Variants in CMIP observed in about 807,000 individuals in gnomAD.
The protein encoded by CMIP is C-Maf-inducing protein.
CMIP carries 13 observed loss-of-function variants against 97.3 expected under a neutral mutation model. That is an observed-to-expected ratio of 0.13 (90% CI 0.09 to 0.21). The LOEUF is 0.21. Ranked by LOEUF, CMIP falls within the 10% of genes least tolerant of loss-of-function variation. The pLI is 1.00. For missense variants in CMIP, 847 were observed against 1,024.9 expected (o/e 0.83, Z 2.37); for synonymous variants, 538 against 436.3 (o/e 1.23, Z -2.91).
intron 1 of CMIP, among the ~76,000 whole-genome samples, chr16:81,482,487 G>A (rs1257150665): frequency 1.3e-5 from 2 of 152,144 alleles, no homozygotes; most frequent in Non-Finnish European, 2.9e-5. Context: ...ACAGCAGAGG[G>A]CCTTTTAAGT....
chr16:81,447,520 C>T (rs999949715), intron 1 of CMIP, among the ~76,000 whole-genome samples: 2 of 152,190 alleles, frequency 1.3e-5, no homozygotes, highest in African/African-American at 4.8e-5. Flanking sequence ...CCTCGCTCAC[C>T]TTGGCCAGCC....
At chr16:81,472,457 C>T (rs1009900452) in intron 1 of CMIP, among the ~76,000 whole-genome samples, 1 of 152,184 alleles carries the variant, frequency 6.6e-6, no homozygotes, top group Non-Finnish European at 1.5e-5. Flanking sequence ...GGAGGAGTGG[C>T]CCATCTCCCC....
chr16:81,455,621 C>G (rs1261818776), intron 1 of CMIP, among the ~76,000 whole-genome samples: 1 of 152,168 alleles, frequency 6.6e-6, no homozygotes, highest in Non-Finnish European at 1.5e-5. Flanking sequence ...CAACACATGG[C>G]CCAGCTGTGG....
At chr16:81,589,241 C>T (rs541035359) in intron 1 of CMIP, among the ~76,000 whole-genome samples, 5 of 152,180 alleles carry the variant, frequency 3.3e-5, no homozygotes, top group East Asian at 1.9e-4. Flanking sequence ...GGACTACAGG[C>T]GTGCACCACC....
At chr16:81,518,658 G>C (rs930749698) in intron 1 of CMIP, 5 of 152,234 alleles carry the variant, frequency 3.3e-5, no homozygotes, top group African/African-American at 1.2e-4. Context: ...GACTCAAACC[G>C]ATTAAGTAAC....
At chr16:81,672,161 C>T (rs1350739223) in intron 9 of CMIP, 91 bp downstream of exon 9, 24 of 731,516 alleles carry the variant, frequency 3.3e-5, no homozygotes, top group Admixed American at 1.5e-4. Flanking sequence ...CTGACCAGGC[C>T]AGAGAGGTGG....
chr16:81,479,598 G>A (rs1908135931), intron 1 of CMIP, among the ~76,000 whole-genome samples: 1 of 152,028 alleles, frequency 6.6e-6, no homozygotes, highest in Non-Finnish European at 1.5e-5. Context: ...GTTAATATAG[G>A]ATTTGTCTTT....
chr16:81,451,526 T>G (rs1717814479), intron 1 of CMIP, among the ~76,000 whole-genome samples: 1 of 152,240 alleles, frequency 6.6e-6, no homozygotes, highest in Non-Finnish European at 1.5e-5. Context: ...TGTCTCTATT[T>G]TGATGTTCTT....
chr16:81,445,925 G>C (rs1179233521), intron 1 of CMIP, among the ~76,000 whole-genome samples: 2 of 151,576 alleles, frequency 1.3e-5, no homozygotes, highest in South Asian at 2.1e-4. Context: ...TGGATCTGAG[G>C]GGTGGGGGAG....
intron 1 of CMIP, among the ~76,000 whole-genome samples, chr16:81,601,919 C>G (rs948914478): frequency 1.4e-4 from 22 of 152,230 alleles, no homozygotes; most frequent in African/African-American, 5.3e-4. Context: ...TTAGCCTTGG[C>G]CAGGGCTCTC....
At chr16:81,508,711 C>G (rs903503630) in intron 1 of CMIP, among the ~76,000 whole-genome samples, 21 of 152,230 alleles carry the variant, frequency 1.4e-4, no homozygotes, top group African/African-American at 5.1e-4. Context: ...CTCCATCAGT[C>G]TGAGAGGGTG....
chr16:81,485,566 C>T (rs1032855388), intron 1 of CMIP, among the ~76,000 whole-genome samples: 2 of 152,236 alleles, frequency 1.3e-5, no homozygotes, highest in Admixed American at 1.3e-4. Context: ...TTTCTTACCA[C>T]AGCCCTTCTG....
chr16:81,685,927 G>T (rs1029605271), intron 10 of CMIP, among the ~76,000 whole-genome samples: 26 of 152,110 alleles, frequency 1.7e-4, no homozygotes, highest in Non-Finnish European at 3.1e-4. Flanking sequence ...CACCCTCCTT[G>T]TGAGACATGG....
intron 3 of CMIP, among the ~76,000 whole-genome samples, chr16:81,649,273 C>T (rs1211611241): frequency 1.3e-5 from 2 of 152,268 alleles, no homozygotes; most frequent in East Asian, 3.8e-4. Flanking sequence ...GAGGCAAGGG[C>T]TTGGGCCCTC....
intron 2 of CMIP, among the ~76,000 whole-genome samples, chr16:81,618,285 C>A (rs1371098465): frequency 6.6e-6 from 1 of 152,146 alleles, no homozygotes; most frequent in African/African-American, 2.4e-5. Context: ...AGGCTGTCCG[C>A]ATTCCTTGGC....
chr16:81,456,421 A>C (rs758107697), intron 1 of CMIP, among the ~76,000 whole-genome samples: 1 of 152,170 alleles, frequency 6.6e-6, no homozygotes, highest in African/African-American at 2.4e-5. Flanking sequence ...AGATGTCACG[A>C]CGAGTCCCTG....
intron 1 of CMIP, among the ~76,000 whole-genome samples, chr16:81,521,471 G>A (rs946076475): frequency 2.0e-5 from 3 of 152,022 alleles, no homozygotes; most frequent in Non-Finnish European, 2.9e-5. Context: ...TCCCTGAAAT[G>A]CCACTGCAGG....
At chr16:81,645,874 C>T in intron 3 of CMIP, 2 of 522,818 alleles carry the variant, frequency 3.8e-6, no homozygotes, top group South Asian at 4.5e-5. Flanking sequence ...AAGCCTTTGA[C>T]AGTAGTTATT....
At chr16:81,636,600 A>G (rs56020367) in intron 3 of CMIP, among the ~76,000 whole-genome samples, 62,635 of 149,268 alleles carry the variant, frequency 0.42, 13,850 homozygotes, top group East Asian at 0.58. Context: ...AAAAAAAAAA[A>G]AGTATGGCAT....
Sources: allele counts gnomAD v4.1 joint callset (sites outside exome capture counted in the v4.1 genomes callset), GRCh38; gene constraint gnomAD v4.1.1; transcripts MANE v1.5; gene names NCBI Gene and HGNC (gene_info 2026-07-23, HGNC 2026-07-21).